The following IFNG-AS1 variants were observed in gnomAD, a reference collection of about 807,000 sequenced individuals.
IFNG-AS1 encodes IFNG antisense RNA 1 (non-protein coding).
chr12:68,016,119 C>T (rs1258123195), intron 3 of IFNG-AS1, among the ~76,000 whole-genome samples: 1 of 152,118 alleles, frequency 6.6e-6, no homozygotes, highest in Admixed American at 6.5e-5. Flanking sequence ...ATTTAGTCAT[C>T]ATAAACTTGT....
intron 3 of IFNG-AS1, among the ~76,000 whole-genome samples, chr12:68,007,433 G>A (rs905591896): frequency 2.6e-5 from 4 of 152,186 alleles, no homozygotes; most frequent in Non-Finnish European, 5.9e-5. Context: ...GGCATTTGAA[G>A]AGATCAAATT....
At chr12:67,997,200 A>C (rs996967293) in intron 2 of IFNG-AS1, among the ~76,000 whole-genome samples, 4 of 152,098 alleles carry the variant, frequency 2.6e-5, no homozygotes, top group African/African-American at 9.6e-5. Flanking sequence ...GAAAACACTT[A>C]AAAAGAAAAA....
chr12:67,990,916 T>C (rs543746499), intron 1 of IFNG-AS1, among the ~76,000 whole-genome samples: 211 of 152,294 alleles, frequency 1.4e-3, no homozygotes, highest in African/African-American at 4.7e-3. Flanking sequence ...CTTTAAACTC[T>C]GTTCTACACA....
At chr12:67,999,116 T>C (rs1879708212) in intron 2 of IFNG-AS1, among the ~76,000 whole-genome samples, 1 of 152,026 alleles carries the variant, frequency 6.6e-6, no homozygotes, top group Non-Finnish European at 1.5e-5. Context: ...AGATAATAGA[T>C]AATAGATAAG....
chr12:67,998,699 A>C (rs1459781354), intron 2 of IFNG-AS1, among the ~76,000 whole-genome samples: 1 of 152,174 alleles, frequency 6.6e-6, no homozygotes, highest in Non-Finnish European at 1.5e-5. Context: ...AAACAATAAC[A>C]AATGAGCCTA....
intron 2 of IFNG-AS1, among the ~76,000 whole-genome samples, chr12:68,005,393 C>T (rs559921809): frequency 2.6e-5 from 4 of 152,224 alleles, no homozygotes; most frequent in Admixed American, 6.5e-5. Context: ...TGCATGCACA[C>T]GTGCATACAC....
At chr12:68,014,528 A>G (rs1565692214) in intron 3 of IFNG-AS1, among the ~76,000 whole-genome samples, 3 of 152,062 alleles carry the variant, frequency 2.0e-5, no homozygotes. Flanking sequence ...TTGATATTGC[A>G]TTTCCCTGAT....
At chr12:68,007,859 C>T (rs1401244950) in intron 3 of IFNG-AS1, among the ~76,000 whole-genome samples, 1 of 152,116 alleles carries the variant, frequency 6.6e-6, no homozygotes, top group African/African-American at 2.4e-5. Context: ...AAATAGATGA[C>T]TTGGTGCCCT....
chr12:68,006,636 T>C lies in IFNG-AS1; in HGVS notation n.241+490T>C, dbSNP rs59765429. On this transcript the variant is annotated intron_variant and non_coding_transcript_variant, in intron 3 of 5. Transcript: ENST00000536914. ...GGCCTCAAATCAGTTGAAAAGTTCA[T>C]CAAAAAGGAAGATTATACTTGCTGG... Among the ~76,000 whole-genome samples the C allele has an allele frequency of 2.7e-3, 416 of 152,328 alleles. 1 individual carries two copies. The highest frequency in any genetic ancestry group is 9.7e-3 in the African/African-American group (405 of 41,568).
chr12:68,014,421 C>G (rs916840852), intron 3 of IFNG-AS1, among the ~76,000 whole-genome samples: 9 of 152,122 alleles, frequency 5.9e-5, no homozygotes, highest in African/African-American at 1.9e-4. Context: ...GGAAGTGTTC[C>G]CTGATCACTG....
At chr12:67,993,997 T>C (rs1178731934) in intron 1 of IFNG-AS1, among the ~76,000 whole-genome samples, 1 of 152,172 alleles carries the variant, frequency 6.6e-6, no homozygotes, top group East Asian at 1.9e-4. Flanking sequence ...TAACAAGTTA[T>C]TATTTTCTTA....
At chr12:68,010,824 C>A (rs1415276401) in intron 3 of IFNG-AS1, among the ~76,000 whole-genome samples, 1 of 152,132 alleles carries the variant, frequency 6.6e-6, no homozygotes, top group Non-Finnish European at 1.5e-5. Context: ...ACTTTTTTAC[C>A]CTCGTGCCCT....
At chr12:68,013,763 C>T (rs1880085317) in intron 3 of IFNG-AS1, 1 of 152,164 alleles carries the variant, frequency 6.6e-6, no homozygotes, top group Non-Finnish European at 1.5e-5. Context: ...TTGACTGTCC[C>T]CAAGTAAGAA....
chr12:68,005,489 AC>A (rs1483111539), intron 2 of IFNG-AS1, among the ~76,000 whole-genome samples: 1 of 152,244 alleles, frequency 6.6e-6, no homozygotes, highest in African/African-American at 2.4e-5. Flanking sequence ...CAGCAAAAAA[AC>A]CCAAAAACGA....
intron 2 of IFNG-AS1, among the ~76,000 whole-genome samples, chr12:67,998,780 T>C (rs966874212): frequency 2.0e-5 from 3 of 152,166 alleles, no homozygotes; most frequent in African/African-American, 4.8e-5. Flanking sequence ...TGAAATCCAA[T>C]GTATTATTAT....
intron 4 of IFNG-AS1, chr12:68,021,083 C>T (rs1592832741): frequency 6.6e-6 from 1 of 152,118 alleles, no homozygotes; most frequent in African/African-American, 2.4e-5. Context: ...TCATCTTTCC[C>T]CATACTGATC....
At chr12:68,001,271 A>G in intron 2 of IFNG-AS1, 1 of 152,704 alleles carries the variant, frequency 6.5e-6, no homozygotes, top group Non-Finnish European at 1.5e-5. Flanking sequence ...AACAAAGATA[A>G]AACATTTTTT....
chr12:68,018,312 A>T (rs774678182), intron 3 of IFNG-AS1, among the ~76,000 whole-genome samples: 5 of 152,156 alleles, frequency 3.3e-5, no homozygotes, highest in Non-Finnish European at 7.3e-5. Context: ...TTGTAGCTTG[A>T]GGCACAGAAT....
chr12:67,991,935 C>T (rs1276924054), intron 1 of IFNG-AS1, among the ~76,000 whole-genome samples: 1 of 152,142 alleles, frequency 6.6e-6, no homozygotes, highest in East Asian at 1.9e-4. Flanking sequence ...AGCTTTGTTA[C>T]ATGTTATTGC....
Sources: allele counts gnomAD v4.1 joint callset (sites outside exome capture counted in the v4.1 genomes callset), GRCh38; gene constraint gnomAD v4.1.1; transcripts MANE v1.5; gene names NCBI Gene and HGNC (gene_info 2026-07-23, HGNC 2026-07-21).